Variants in BMP2K observed in about 807,000 individuals in gnomAD.
BMP2K encodes the protein BMP2 inducible kinase.
In BMP2K, 74 loss-of-function variants were observed where a neutral mutation model predicts 116.0. That is an observed-to-expected ratio of 0.64 (90% CI 0.53 to 0.77). The LOEUF is 0.77. Ranked by LOEUF, BMP2K falls within the 30% of genes least tolerant of loss-of-function variation. The pLI is 0.00. For missense variants in BMP2K, 1,365 were observed against 1,403.6 expected, an observed-to-expected ratio of 0.97 and a Z score of 0.44; for synonymous variants, 486 against 502.5, an observed-to-expected ratio of 0.97 and a Z score of 0.44.
chr4:78,905,027 A>G (rs562353666), intron 15 of BMP2K, among the ~76,000 whole-genome samples: 1 of 151,966 alleles, frequency 6.6e-6, no homozygotes. Context: ...TATGTGGAAT[A>G]TATGAATGTA....
At chr4:78,876,106 A>G (rs1732618873) in intron 13 of BMP2K, among the ~76,000 whole-genome samples, 1 of 152,188 alleles carries the variant, frequency 6.6e-6, no homozygotes, top group African/African-American at 2.4e-5. Context: ...AACCCTATTG[A>G]GTTACAGTCT....
chr4:78,789,029 A>G (rs1044436484), intron 1 of BMP2K, among the ~76,000 whole-genome samples: 12 of 152,026 alleles, frequency 7.9e-5, no homozygotes, highest in Non-Finnish European at 1.8e-4. Context: ...AATATAGGAA[A>G]CAATGTGTAA....
chr4:78,823,433 A>C (rs1729718077), intron 1 of BMP2K, among the ~76,000 whole-genome samples: 1 of 150,654 alleles, frequency 6.6e-6, no homozygotes, highest in Non-Finnish European at 1.5e-5. Context: ...TACAAGAGTA[A>C]AATAGTATAA....
rs377750643 is a variant in BMP2K, at chr4:78,910,681, G to A, written c.2134G>A (p.Gly712Ser). ...TGGCACTGCAAACCCTATCAAGAAC[G>A]GTAAAACAAGTCCAGCATCTAAAGA... ...ENGTANPIKN[G>S]KTSPASKDQR... Residue 712 changes from glycine (G) to serine (S), a missense_variant, in exon 16 of 16, where the codon GGT becomes AGT. Transcript: ENST00000502613. The A allele has an allele frequency of 1.1e-5, 17 of 1,607,956 alleles. No homozygotes were observed. In the African/African-American group the frequency reaches 2.1e-4, roughly 20 times the overall value.
At chr4:78,850,356 G>T (rs1224478610) in intron 6 of BMP2K, among the ~76,000 whole-genome samples, 1 of 151,796 alleles carries the variant, frequency 6.6e-6, no homozygotes, top group African/African-American at 2.4e-5. Flanking sequence ...GATTACCCAG[G>T]TTACACATAC....
At chr4:78,811,543 A>G (rs1302614368) in intron 1 of BMP2K, among the ~76,000 whole-genome samples, 2 of 152,232 alleles carry the variant, frequency 1.3e-5, no homozygotes, top group Non-Finnish European at 2.9e-5. Flanking sequence ...AGTTAATTTT[A>G]AACATAATAG....
chr4:78,887,131 TATTTC>T (rs1175912208), intron 14 of BMP2K, 38 bp from the exon 15 acceptor site: 9 of 1,322,234 alleles, frequency 6.8e-6, no homozygotes, highest in East Asian at 5.0e-5. Context: ...AGATCATTTT[TATTTC>T]ATTTCATTTT....
In BMP2K at chr4:78,867,890, T is replaced by C. The variant is rs779654956; in HGVS notation, c.1231+2170T>C. Among the ~76,000 whole-genome samples the C allele has an allele frequency of 1.6e-3, 242 of 152,088 alleles. 3 individuals are homozygous for C. The highest frequency in any genetic ancestry group is 1.9e-4 in the Non-Finnish European group (13 of 68,020). On this transcript the variant is annotated intron_variant, in intron 10 of 15. Coordinates refer to ENST00000502613, the MANE Select transcript of BMP2K (RefSeq NM_198892.2). Reference sequence around the variant, plus strand: ...GCCTGGCCAACATGGCAAAACCCCATCTCTACTAAAAGTACAAAAATTAGC... The same window carrying C: ...GCCTGGCCAACATGGCAAAACCCCACCTCTACTAAAAGTACAAAAATTAGC...
intron 15 of BMP2K, among the ~76,000 whole-genome samples, chr4:78,889,373 G>A (rs535269601): frequency 1.3e-5 from 2 of 152,158 alleles, no homozygotes; most frequent in East Asian, 1.9e-4. Flanking sequence ...GGAGAAATGC[G>A]TCTCCTGAGA....
chr4:78,905,179 C>T (rs899714031), intron 15 of BMP2K, among the ~76,000 whole-genome samples: 1 of 151,770 alleles, frequency 6.6e-6, no homozygotes, highest in African/African-American at 2.4e-5. Context: ...GTTTTGTTTA[C>T]AGATATTGGT....
chr4:78,781,103 A>C (rs1164225189), intron 1 of BMP2K, among the ~76,000 whole-genome samples: 1 of 152,226 alleles, frequency 6.6e-6, no homozygotes, highest in Non-Finnish European at 1.5e-5. Flanking sequence ...AGAGAGATCC[A>C]AGATGATGTT....
chr4:78,789,745 A>G (rs1423283518), intron 1 of BMP2K, among the ~76,000 whole-genome samples: 1 of 152,260 alleles, frequency 6.6e-6, no homozygotes, highest in East Asian at 1.9e-4. Flanking sequence ...AGGACAAGTC[A>G]TACATGAAAT....
In BMP2K at chr4:78,842,391, AG is replaced by A; in HGVS notation, c.412del (p.Val138Ter). 1.3e-6 allele frequency: 2 copies of A among 1,589,700 alleles called. No homozygotes were observed. The highest frequency in any genetic ancestry group is 1.7e-6 in the Non-Finnish European group (2 of 1,162,514). On this transcript the variant is annotated frameshift_variant, in exon 4 of 16. Transcript: ENST00000502613. LOFTEE classifies it high-confidence loss of function. ...LILMEYCRAG[Q>X]VVNQMNKKLQ... The stretch of plus-strand genomic sequence containing the variant: ...AAATTACTTTTTTGGTTAGCTGGAC[AG>A]GTAGTGAATCAAATGAATAAGAAGC...
chr4:78,787,934 C>T (rs1260400285), intron 1 of BMP2K, among the ~76,000 whole-genome samples: 1 of 152,000 alleles, frequency 6.6e-6, no homozygotes, highest in Non-Finnish European at 1.5e-5. Flanking sequence ...CTGGTTGGAC[C>T]ATTGTTAGGG....
intron 15 of BMP2K, among the ~76,000 whole-genome samples, chr4:78,910,122 A>T (rs1295409319): frequency 1.3e-5 from 2 of 152,222 alleles, no homozygotes. Flanking sequence ...GTTTATAAAA[A>T]ATACAATGCT....
chr4:78,819,123 C>G (rs150801758), intron 1 of BMP2K, among the ~76,000 whole-genome samples: 1 of 152,008 alleles, frequency 6.6e-6, no homozygotes, highest in East Asian at 1.9e-4. Flanking sequence ...AAAAATGTTC[C>G]GCTAAATTTC....
intron 15 of BMP2K, among the ~76,000 whole-genome samples, chr4:78,902,285 T>A (rs1734051352): frequency 1.3e-5 from 2 of 152,162 alleles, no homozygotes; most frequent in Admixed American, 1.3e-4. Flanking sequence ...AGCATTAACC[T>A]ATTTTAAAGA....
At chr4:78,874,884 C>A (rs980261943) in intron 13 of BMP2K, among the ~76,000 whole-genome samples, 1 of 151,868 alleles carries the variant, frequency 6.6e-6, no homozygotes, top group African/African-American at 2.4e-5. Flanking sequence ...ACATTAGACA[C>A]TTTTCTTTTA....
chr4:78,844,255 A>G (rs932366320), intron 4 of BMP2K, among the ~76,000 whole-genome samples: 1 of 151,750 alleles, frequency 6.6e-6, no homozygotes, highest in Non-Finnish European at 1.5e-5. Context: ...ATGCACATGA[A>G]TGGTTAAGCA....
Sources: gnomAD v4.1 joint callset for allele counts (sites outside exome capture counted in the v4.1 genomes callset) on GRCh38, gnomAD v4.1.1 for gene constraint, MANE v1.5 for transcripts, NCBI Gene and HGNC (gene_info 2026-07-23, HGNC 2026-07-21) for gene names.